The following ZNF609 variants were observed in gnomAD, a reference collection of about 807,000 sequenced individuals.
ZNF609 encodes the protein zinc finger protein 609.
Under a neutral mutation model 109.5 loss-of-function variants are expected in ZNF609, and 11 were observed. The observed-to-expected ratio is 0.10, with a 90% CI of 0.06 to 0.17. The LOEUF (loss-of-function observed/expected upper bound fraction) is 0.17. Among genes scored for constraint, ZNF609 ranks in the 10% least tolerant of loss-of-function variants. The pLI is 1.00. For missense variants in ZNF609, 1,559 were observed against 1,772.4 expected (o/e 0.88, Z 2.16); for synonymous variants, 646 against 662.0 (o/e 0.98, Z 0.37).
chr15:64,635,995 A>G (rs1267592362), intron 3 of ZNF609, among the ~76,000 whole-genome samples: 1 of 152,170 alleles, frequency 6.6e-6, no homozygotes, highest in Non-Finnish European at 1.5e-5. Flanking sequence ...GCAGCTGGAG[A>G]TAATTTCACC....
intron 2 of ZNF609, among the ~76,000 whole-genome samples, chr15:64,548,198 A>C (rs1894399629): frequency 6.6e-6 from 1 of 152,216 alleles, no homozygotes; most frequent in South Asian, 2.1e-4. Context: ...CAACAGTTAC[A>C]AACACAAAGT....
chr15:64,479,843 C>A (rs968174545), intron 1 of ZNF609, among the ~76,000 whole-genome samples: 3 of 151,626 alleles, frequency 2.0e-5, no homozygotes, highest in Non-Finnish European at 4.4e-5. Context: ...GGCTTGAACC[C>A]GGGAGGCAGA....
intron 2 of ZNF609, among the ~76,000 whole-genome samples, chr15:64,515,836 G>A (rs1435133202): frequency 1.3e-5 from 2 of 152,018 alleles, no homozygotes; most frequent in Non-Finnish European, 2.9e-5. Context: ...TACTCGGGAG[G>A]CCGAGGCAGG....
intron 2 of ZNF609, among the ~76,000 whole-genome samples, chr15:64,618,441 G>A (rs1047189218): frequency 1.3e-5 from 2 of 152,166 alleles, no homozygotes; most frequent in Non-Finnish European, 1.5e-5. Flanking sequence ...TAGTTTAGCT[G>A]TCCTTAGGCG....
chr15:64,567,855 A>G (rs1342099335), intron 2 of ZNF609, among the ~76,000 whole-genome samples: 1 of 151,756 alleles, frequency 6.6e-6, no homozygotes, highest in Non-Finnish European at 1.5e-5. Flanking sequence ...TAGAGACGGG[A>G]TTTCAGCGTA....
At chr15:64,638,287 ATTGTC>A (rs1896207200) in intron 3 of ZNF609, among the ~76,000 whole-genome samples, 3 of 150,684 alleles carry the variant, frequency 2.0e-5, no homozygotes, top group Admixed American at 6.7e-5. Flanking sequence ...TCAATACTAC[ATTGTC>A]TTGATAACTA....
In ZNF609 at chr15:64,607,869, TTCTTTCTTTC is replaced by T. The variant is rs1567027758; in HGVS notation, c.748-14956_748-14947del. On this transcript the variant is annotated intron_variant, in intron 2 of 9. Coordinates refer to ENST00000326648, the MANE Select transcript of ZNF609 (RefSeq NM_015042.2). ...TTTCTTTCTTTCTTTCTTTCTTTCT[TTCTTTCTTTC>T]TTCTTTCTTTTCTTTCTTTTTTTTT... Among the ~76,000 whole-genome samples the T allele has an allele frequency of 6.8e-4, 20 of 29,264 alleles. 1 individual carries two copies. The highest frequency in any genetic ancestry group is 1.4e-3 in the African/African-American group (19 of 13,454). 19.2% of individuals were successfully genotyped at this position (29,264 alleles called of 152,430 possible).
In ZNF609 at chr15:64,675,737, C is replaced by A. The variant is rs1299907932; in HGVS notation, c.2883C>A (p.Ile961=). 1.2e-6 allele frequency: 2 copies of A among 1,614,056 alleles called. No homozygotes were observed. The highest frequency in any genetic ancestry group is 2.7e-5 in the African/African-American group (2 of 74,906). ...LSSSSQQPSV[I]QQRPNMYMQS... ...GTTCCAGTCAGCAGCCCTCGGTCAT[C>A]CAGCAGCGTCCCAATATGTACATGC... Residue 961 remains isoleucine (I), a synonymous_variant, in exon 5 of 10, where the codon ATC becomes ATA. Transcript: ENST00000326648.
chr15:64,582,151 G>A (rs147778668), intron 2 of ZNF609, among the ~76,000 whole-genome samples: 340 of 152,204 alleles, frequency 2.2e-3, no homozygotes, highest in African/African-American at 7.8e-3. Flanking sequence ...AGCTGTTTTT[G>A]TAAATAAAGT....
intron 2 of ZNF609, among the ~76,000 whole-genome samples, chr15:64,555,587 C>CA (rs533779927): frequency 0.02 from 2,310 of 112,808 alleles, 47 homozygotes; most frequent in African/African-American, 0.065. Flanking sequence ...AATTCTGTCT[C>CA]AAAAAAAAAA....
intron 1 of ZNF609, chr15:64,471,361 T>TAA (rs113503133): frequency 3.5e-5 from 5 of 143,418 alleles, no homozygotes; most frequent in African/African-American, 5.1e-5. Flanking sequence ...ATTGTGTCTT[T>TAA]AAAAAAAAAA....
At chr15:64,508,166 G>A (rs1017937431) in intron 2 of ZNF609, among the ~76,000 whole-genome samples, 1 of 152,140 alleles carries the variant, frequency 6.6e-6, no homozygotes, top group Non-Finnish European at 1.5e-5. Flanking sequence ...GGAGCATTTT[G>A]AGATTTTCTG....
chr15:64,582,723 C>CTTTTTTTTTTTTTTTT (rs538806936), intron 2 of ZNF609, among the ~76,000 whole-genome samples: 1 of 88,814 alleles, frequency 1.1e-5, no homozygotes, highest in Non-Finnish European at 2.0e-5. Context: ...TTTCTTTTTT[C>CTTTTTTTTTTTTTTTT]TTTTTTTTTT....
chr15:64,684,002 T>C lies in ZNF609; in HGVS notation c.*2316T>C, dbSNP rs1397794474. The C allele has an allele frequency of 6.6e-6, 1 of 152,244 alleles. No individual in the cohort carries two copies. The allele number at this position is 152,244 out of a possible 1,614,324, so 9.4% of individuals were successfully genotyped here. ...CTTTTTAATTTTTCTTCTTAAACAT[T>C]TGGCTCTTTGATCCTCATATCCAAG... On this transcript the variant is annotated 3_prime_UTR_variant, in exon 10 of 10. Coordinates refer to ENST00000326648, the MANE Select transcript of ZNF609 (RefSeq NM_015042.2).
chr15:64,507,473 C>T (rs1261880813), intron 2 of ZNF609, among the ~76,000 whole-genome samples: 1 of 152,230 alleles, frequency 6.6e-6, no homozygotes, highest in Non-Finnish European at 1.5e-5. Context: ...TCCAGAGCTG[C>T]TGACAGGGCT....
intron 2 of ZNF609, among the ~76,000 whole-genome samples, chr15:64,576,664 C>T (rs1281972662): frequency 6.6e-6 from 1 of 151,426 alleles, no homozygotes; most frequent in African/African-American, 2.4e-5. Flanking sequence ...TGGAGCCAGG[C>T]GTGGTGGCTC....
At chr15:64,522,465 C>T (rs1278194631) in intron 2 of ZNF609, among the ~76,000 whole-genome samples, 2 of 152,162 alleles carry the variant, frequency 1.3e-5, no homozygotes, top group African/African-American at 4.8e-5. Context: ...CCCTGCTTGG[C>T]TAGATTTTAT....
chr15:64,538,179 C>T (rs1380288458), intron 2 of ZNF609, among the ~76,000 whole-genome samples: 1 of 151,438 alleles, frequency 6.6e-6, no homozygotes, highest in Non-Finnish European at 1.5e-5. Flanking sequence ...TCCTTTGTTG[C>T]ATTAGGAGGT....
intron 1 of ZNF609, among the ~76,000 whole-genome samples, chr15:64,471,973 C>G (rs1204970200): frequency 6.6e-6 from 1 of 152,078 alleles, no homozygotes; most frequent in African/African-American, 2.4e-5. Context: ...TGCAATGGCA[C>G]AATCTCAGCT....
Sources: gnomAD v4.1 joint callset for allele counts (sites outside exome capture counted in the v4.1 genomes callset) on GRCh38, gnomAD v4.1.1 for gene constraint, MANE v1.5 for transcripts, NCBI Gene and HGNC (gene_info 2026-07-23, HGNC 2026-07-21) for gene names.